The following USPL1 variants were observed in gnomAD, a reference collection of about 807,000 sequenced individuals.
The protein encoded by USPL1 is ubiquitin specific peptidase like 1.
In USPL1, 27 loss-of-function variants were observed where a neutral mutation model predicts 51.5. The observed-to-expected ratio is 0.52, with a 90% confidence interval of 0.39 to 0.72. The LOEUF (loss-of-function observed/expected upper bound fraction) is 0.72. USPL1 is among the 30% of genes least tolerant of loss of function. The probability of loss-of-function intolerance (pLI) is 0.00; values close to 1 mark genes in which losing one functional copy is unlikely to be tolerated. For synonymous variants in USPL1, 451 were observed against 459.6 expected (o/e 0.98, Z 0.24); for missense variants, 1,226 against 1,268.0 (o/e 0.97, Z 0.50).
chr13:30,651,721 G>A (rs1182474311), intron 7 of USPL1, among the ~76,000 whole-genome samples: 2 of 152,340 alleles, frequency 1.3e-5, no homozygotes, highest in Non-Finnish European at 2.9e-5. Flanking sequence ...AGCACTTTGG[G>A]AGGCCAAGGC....
In USPL1 at chr13:30,658,651, A is replaced by G. The variant is rs376279324; in HGVS notation, c.2574A>G (p.Ser858=). The G allele has an allele frequency of 6.8e-6, 11 of 1,614,108 alleles. No homozygotes were observed. In the African/African-American group the frequency reaches 1.3e-4, roughly 20 times the overall value. The change falls in exon 9 of 9, where the codon TCA becomes TCG. Residue 858 remains serine (S), a synonymous_variant. Transcript: ENST00000255304. ...TTTTGGAAAAGTCTGGAAGCACCTCATGTGGAGCTCAACTCAACCACAGTT... is the reference window on the plus strand; with the variant it reads ...TTTTGGAAAAGTCTGGAAGCACCTCGTGTGGAGCTCAACTCAACCACAGTT... The part of the protein sequence containing the change: ...SEVLEKSGST[S]CGAQLNHSSY...
Position 30,631,048 on chromosome 13 carries a change from G to A in USPL1, c.442G>A (p.Glu148Lys), listed in dbSNP as rs777354702. The change falls in exon 4 of 9, where the codon GAA becomes AAA. Residue 148 changes from glutamate to lysine, a missense_variant. Coordinates refer to ENST00000255304, the MANE Select transcript of USPL1 (RefSeq NM_005800.5). ...CAAACATAATGGAGAAGTATATGAC[G>A]AAACCTCGTCAAACTTACCTGATAG... ...NSKHNGEVYDETSSNLPDSSG... is the reference protein window; with the variant it reads ...NSKHNGEVYDKTSSNLPDSSG... 46 of 1,614,054 alleles carry A rather than the reference G, an allele frequency of 2.8e-5. No individual in the cohort carries two copies. The highest frequency in any genetic ancestry group is 3.4e-5 in the Non-Finnish European group (40 of 1,180,010).
At chr13:30,622,836 A>G (rs1394594241) in intron 3 of USPL1, among the ~76,000 whole-genome samples, 1 of 152,166 alleles carries the variant, frequency 6.6e-6, no homozygotes, top group African/African-American at 2.4e-5. Context: ...TGCTGGGTAT[A>G]ATTTGAAGTA....
intron 4 of USPL1, among the ~76,000 whole-genome samples, chr13:30,632,029 A>G (rs545694100): frequency 7.2e-5 from 11 of 151,808 alleles, no homozygotes; most frequent in East Asian, 5.8e-4. Flanking sequence ...GTTTTGTTAC[A>G]TAGGTATACG....
chr13:30,656,757 C>G (rs1471015993), intron 8 of USPL1, among the ~76,000 whole-genome samples: 1 of 152,140 alleles, frequency 6.6e-6, no homozygotes, highest in Non-Finnish European at 1.5e-5. Flanking sequence ...GTTTCCACAG[C>G]AGTTGTACTA....
rs760160660 is a variant in USPL1 at position 30,630,983 on chromosome 13, G to C, written c.377G>C (p.Arg126Thr). The C allele has an allele frequency of 6.2e-7, 1 of 1,614,008 alleles. No individual in the cohort carries two copies. Residue 126 changes from arginine to threonine, a missense_variant, in exon 4 of 9, where the codon AGA (arginine) becomes ACA (threonine). Arg to Thr is a moderately conservative substitution (Grantham distance 71). Transcript: ENST00000255304. ...CTTTTAGCAAATTCCAAAAAGACTA[G>C]AAATTATATTGCTATTGACGGTGGA... ...SLLLANSKKT[R>T]NYIAIDGGKV...
At chr13:30,640,560 G>A (rs545719522) in intron 5 of USPL1, among the ~76,000 whole-genome samples, 1 of 152,172 alleles carries the variant, frequency 6.6e-6, no homozygotes, top group East Asian at 1.9e-4. Context: ...ACGTGGTGTA[G>A]GTGCCTGTAA....
intron 3 of USPL1, among the ~76,000 whole-genome samples, chr13:30,626,123 C>T (rs1485940178): frequency 1.3e-5 from 2 of 152,076 alleles, no homozygotes; most frequent in East Asian, 3.9e-4. Flanking sequence ...CGAGACCAGC[C>T]TGGCCAACAT....
intron 5 of USPL1, 38 bp downstream of exon 5, chr13:30,637,895 C>A: frequency 1.4e-6 from 2 of 1,402,376 alleles, no homozygotes; most frequent in Non-Finnish European, 2.0e-6. Flanking sequence ...TTATACTCAT[C>A]TACCATATAG....
At position 30,659,227 on chromosome 13, in the gene USPL1, A is replaced by G. The variant is rs1490625496; in HGVS notation, c.3150A>G (p.Thr1050=). 3.1e-6 allele frequency: 5 copies of G among 1,614,070 alleles called. No homozygotes were observed. The highest frequency in any genetic ancestry group is 2.7e-5 in the African/African-American group (2 of 74,932). The change falls in exon 9 of 9, where the codon ACA becomes ACG. Residue 1050 remains threonine (T), a synonymous_variant. Coordinates refer to ENST00000255304, the MANE Select transcript of USPL1 (RefSeq NM_005800.5). ...TGACAAATAATGCCTGCGTTAGAAC[A>G]TTAAACTTGGAGAGTCCGATGAAGA... is the stretch of plus-strand genomic sequence containing the variant. ...DSLTNNACVR[T]LNLESPMKTD... is the part of the protein sequence containing the mutation.
chr13:30,650,460 C>T (rs535011042), intron 7 of USPL1, among the ~76,000 whole-genome samples: 7 of 151,750 alleles, frequency 4.6e-5, no homozygotes, highest in African/African-American at 1.7e-4. Flanking sequence ...GCCTATTGTC[C>T]CAGCTACTCA....
intron 3 of USPL1, among the ~76,000 whole-genome samples, chr13:30,622,822 C>G (rs1271838363): frequency 6.6e-6 from 1 of 150,568 alleles, no homozygotes; most frequent in Non-Finnish European, 1.5e-5. Context: ...TTAATAGATA[C>G]TTATGCTGGG....
At chr13:30,639,400 T>C (rs1950917845) in intron 5 of USPL1, among the ~76,000 whole-genome samples, 1 of 151,966 alleles carries the variant, frequency 6.6e-6, no homozygotes, top group Admixed American at 6.6e-5. Context: ...AATTAATATA[T>C]AATAGTTGTA....
At chr13:30,657,385 A>G (rs1951177806) in intron 8 of USPL1, 89 bp from the exon 9 acceptor site, 9 of 1,334,786 alleles carry the variant, frequency 6.7e-6, no homozygotes, top group African/African-American at 3.0e-5. Context: ...TCGGTATTCA[A>G]TGATACAACA....
chr13:30,650,158 G>A (rs1024239932), intron 7 of USPL1, among the ~76,000 whole-genome samples: 5 of 152,148 alleles, frequency 3.3e-5, no homozygotes, highest in Non-Finnish European at 7.3e-5. Flanking sequence ...ATTGTAAGTA[G>A]GACACTAGAG....
intron 6 of USPL1, among the ~76,000 whole-genome samples, chr13:30,645,766 A>T (rs997228828): frequency 6.6e-6 from 1 of 152,218 alleles, no homozygotes; most frequent in African/African-American, 2.4e-5. Context: ...GGCAGATCTC[A>T]GGTCTGTTAT....
intron 1 of USPL1, among the ~76,000 whole-genome samples, chr13:30,620,809 C>G (rs1950637001): frequency 6.6e-6 from 1 of 152,160 alleles, no homozygotes; most frequent in Non-Finnish European, 1.5e-5. Context: ...GCTGCCTCTA[C>G]TACAAGTTTT....
In USPL1 at chr13:30,658,149, T is replaced by G; in HGVS notation, c.2072T>G (p.Val691Gly). 6 of 1,613,258 alleles carry G rather than the reference T, an allele frequency of 3.7e-6. No homozygotes were observed. The highest frequency in any genetic ancestry group is 5.1e-6 in the Non-Finnish European group (6 of 1,179,912). ...NTDATGLIQG[V>G]KSVEIEKDAQ... ...GATGCTACTGGTCTTATACAGGGAG[T>G]GAAGTCAGTAGAAATTGAGAAGGAC... The change falls in exon 9 of 9, where the codon GTG (valine) becomes GGG (glycine). Residue 691 changes from valine to glycine, a missense_variant. Physicochemically the swap from Val to Gly is moderately radical, Grantham distance 109. Coordinates refer to ENST00000255304, the MANE Select transcript of USPL1 (RefSeq NM_005800.5).
chr13:30,653,250 T>C lies in USPL1; in HGVS notation c.1341T>C (p.Ser447=). 6.2e-7 allele frequency: 1 copy of C among 1,612,468 alleles called. No homozygotes were observed. The highest frequency in any genetic ancestry group is 1.1e-5 in the South Asian group (1 of 90,926). The stretch of plus-strand genomic sequence containing the variant: ...AAGGCTGTCTTTATCAGATAACTTC[T>C]GTAATTCAGTATCGAGCAAATAATC... ...HFEGCLYQIT[S]VIQYRANNHF... The change falls in exon 8 of 9, where the codon TCT becomes TCC. Residue 447 remains serine (S), a synonymous_variant. Coordinates refer to ENST00000255304, the MANE Select transcript of USPL1 (RefSeq NM_005800.5).
Sources: allele counts gnomAD v4.1 joint callset (sites outside exome capture counted in the v4.1 genomes callset), GRCh38; gene constraint gnomAD v4.1.1; transcripts MANE v1.5; gene names NCBI Gene and HGNC (gene_info 2026-07-23, HGNC 2026-07-21).